ETHE1: variants seen among roughly 807,000 people sequenced by gnomAD.
ETHE1 encodes ETHE1 persulfide dioxygenase.
In ETHE1, 16 loss-of-function variants were observed where a neutral mutation model predicts 25.7. That is an observed-to-expected ratio of 0.62 (90% CI 0.42 to 0.95). The LOEUF is 0.95. Ranked by LOEUF, ETHE1 falls within the 40% of genes least tolerant of loss-of-function variation. ETHE1 has a pLI of 0.00. For synonymous variants in ETHE1, 139 were observed against 135.9 expected (o/e 1.02, Z -0.16); for missense variants, 300 against 333.6 (o/e 0.90, Z 0.79).
At chr19:43,514,808 A>G (rs1299840342) in intron 3 of ETHE1, among the ~76,000 whole-genome samples, 1 of 152,144 alleles carries the variant, frequency 6.6e-6, no homozygotes, top group Non-Finnish European at 1.5e-5. Context: ...TATTAGCAGC[A>G]TGAGAACAGA....
rs201842186 is a variant in ETHE1, at chr19:43,506,795, C to T, written c.*55G>A. The stretch of plus-strand genomic sequence containing the variant: ...GGAGAGGTGCAGTGTCATTGCCGCC[C>T]TCTCCTCCCACCTAGTGCATTAATA... On this transcript the variant is annotated 3_prime_UTR_variant, in exon 7 of 7. Coordinates refer to ENST00000292147, the MANE Select transcript of ETHE1 (RefSeq NM_014297.5). 1.1e-5 allele frequency: 17 copies of T among 1,536,198 alleles called. No individual in the cohort carries two copies. The highest frequency in any genetic ancestry group is 1.4e-5 in the African/African-American group (1 of 73,280).
At chr19:43,522,929 A>C (rs983426218) in intron 3 of ETHE1, among the ~76,000 whole-genome samples, 1 of 152,222 alleles carries the variant, frequency 6.6e-6, no homozygotes, top group African/African-American at 2.4e-5. Context: ...AATATTTACT[A>C]TCTGGTCCTT....
chr19:43,527,187 T>TCC lies in ETHE1; in HGVS notation c.-11_-10insGG. ...GTACAGCCTCCGCCATCGCGCCCAC[T>TCC]GCGGGGTCAGGAATGAGCGGAGGCC... On this transcript the variant is annotated 5_prime_UTR_variant, in exon 1 of 7. Coordinates refer to ENST00000292147, the MANE Select transcript of ETHE1 (RefSeq NM_014297.5). 1 of 1,536,392 alleles carries TCC rather than the reference T, an allele frequency of 6.5e-7. No individual in the cohort carries two copies. Among genetic ancestry groups the TCC allele is most frequent in the South Asian group, 1.2e-5 (1 of 83,980 alleles).
rs780341837 is a variant in ETHE1, at chr19:43,506,801, T to TCC, written c.*47_*48dup. 6.4e-7 allele frequency: 1 copy of TCC among 1,558,424 alleles called. No individual in the cohort carries two copies. Among genetic ancestry groups the TCC allele is most frequent in the Non-Finnish European group, 8.8e-7 (1 of 1,130,840 alleles). On this transcript the variant is annotated 3_prime_UTR_variant, in exon 7 of 7. Coordinates refer to ENST00000292147, the MANE Select transcript of ETHE1 (RefSeq NM_014297.5). ...GTGCAGTGTCATTGCCGCCCTCTCC[T>TCC]CCCACCTAGTGCATTAATAGTGGAT...
At chr19:43,516,462 G>T (rs1242537106) in intron 3 of ETHE1, among the ~76,000 whole-genome samples, 1 of 151,484 alleles carries the variant, frequency 6.6e-6, no homozygotes, top group East Asian at 1.9e-4. Context: ...ATCACACCTG[G>T]CTAATTTTTG....
chr19:43,515,598 G>A (rs1211429651), intron 3 of ETHE1, among the ~76,000 whole-genome samples: 1 of 150,164 alleles, frequency 6.7e-6, no homozygotes, highest in Non-Finnish European at 1.5e-5. Context: ...TGTTTTGGAC[G>A]GAGTCTGGCT....
Position 43,527,188 on chromosome 19 carries a change from G to A in ETHE1, c.-11C>T, listed in dbSNP as rs1281895397. 1 of 1,536,344 alleles carries A rather than the reference G, an allele frequency of 6.5e-7. No individual in the cohort carries two copies. Among genetic ancestry groups the A allele is most frequent in the Non-Finnish European group, 8.7e-7 (1 of 1,146,244 alleles). On this transcript the variant is annotated 5_prime_UTR_variant, in exon 1 of 7. Transcript: ENST00000292147. ...TACAGCCTCCGCCATCGCGCCCACT[G>A]CGGGGTCAGGAATGAGCGGAGGCCG...
intron 3 of ETHE1, among the ~76,000 whole-genome samples, chr19:43,522,498 T>A (rs1196704370): frequency 6.6e-6 from 1 of 152,198 alleles, no homozygotes; most frequent in Non-Finnish European, 1.5e-5. Flanking sequence ...TTTTTTGAAA[T>A]GGAGTTTTGC....
intron 3 of ETHE1, among the ~76,000 whole-genome samples, chr19:43,522,428 C>G (rs1159065534): frequency 1.3e-5 from 2 of 151,764 alleles, no homozygotes. Context: ...CTGTCTCAAA[C>G]AAATTTAAAA....
At chr19:43,522,494 G>A (rs1284956491) in intron 3 of ETHE1, among the ~76,000 whole-genome samples, 2 of 151,212 alleles carry the variant, frequency 1.3e-5, no homozygotes, top group African/African-American at 4.9e-5. Context: ...TATTTTTTTT[G>A]AAATGGAGTT....
At chr19:43,522,040 C>T (rs1416490686) in intron 3 of ETHE1, among the ~76,000 whole-genome samples, 1 of 152,086 alleles carries the variant, frequency 6.6e-6, no homozygotes, top group East Asian at 1.9e-4. Flanking sequence ...AAAATTATGG[C>T]CAGTGGACCA....
chr19:43,518,751 C>CAAA (rs34214132), intron 3 of ETHE1, among the ~76,000 whole-genome samples: 13 of 77,600 alleles, frequency 1.7e-4, no homozygotes, highest in African/African-American at 3.5e-4. Context: ...ACTCTTGTCT[C>CAAA]AAAAAAAAAA....
intron 3 of ETHE1, among the ~76,000 whole-genome samples, chr19:43,518,996 C>CTTTTT (rs1600005859): frequency 1.2e-5 from 1 of 81,106 alleles, no homozygotes; most frequent in African/African-American, 4.9e-5. Flanking sequence ...GAAATTTGTG[C>CTTTTT]TTGTTTTTTT....
chr19:43,512,211 G>A (rs1024393778), intron 3 of ETHE1, among the ~76,000 whole-genome samples: 10 of 152,168 alleles, frequency 6.6e-5, no homozygotes, highest in African/African-American at 2.2e-4. Flanking sequence ...AGTAAAGTGG[G>A]GTGCTGCTAT....
intron 3 of ETHE1, among the ~76,000 whole-genome samples, chr19:43,522,951 G>A (rs1568500236): frequency 6.6e-6 from 1 of 152,124 alleles, no homozygotes; most frequent in East Asian, 1.9e-4. Flanking sequence ...ACAGAAAAAG[G>A]TGGCCAACTG....
chr19:43,509,548 C>T (rs1223121357), intron 4 of ETHE1, among the ~76,000 whole-genome samples: 1 of 149,906 alleles, frequency 6.7e-6, no homozygotes, highest in Non-Finnish European at 1.5e-5. Context: ...GTAATCCCAG[C>T]ACTTTGGGAG....
chr19:43,514,485 CT>C (rs767043458), intron 3 of ETHE1, among the ~76,000 whole-genome samples: 3,733 of 113,168 alleles, frequency 0.033, 48 homozygotes, highest in Middle Eastern at 0.072. Context: ...TTGGGTATGT[CT>C]TTTTTTTTTT....
At chr19:43,520,642 G>A (rs1195991238) in intron 3 of ETHE1, among the ~76,000 whole-genome samples, 2 of 151,646 alleles carry the variant, frequency 1.3e-5, no homozygotes, top group Non-Finnish European at 2.9e-5. Flanking sequence ...TGAGGCTGCA[G>A]TGAGCTATGA....
intron 3 of ETHE1, among the ~76,000 whole-genome samples, chr19:43,520,189 A>G (rs1006153664): frequency 3.2e-4 from 48 of 152,138 alleles, no homozygotes; most frequent in African/African-American, 1.1e-3. Flanking sequence ...TCGCTACTAA[A>G]AATCTTTTAA....
Sources: allele counts gnomAD v4.1 joint callset (sites outside exome capture counted in the v4.1 genomes callset), GRCh38; gene constraint gnomAD v4.1.1; transcripts MANE v1.5; gene names NCBI Gene and HGNC (gene_info 2026-07-23, HGNC 2026-07-21).